Variants in UIMC1 observed in about 807,000 individuals in gnomAD.
UIMC1 encodes BRCA1-A complex subunit RAP80.
UIMC1 carries 42 observed loss-of-function variants against 84.9 expected under a neutral mutation model. That is an observed-to-expected ratio of 0.49 (90% CI 0.39 to 0.64). UIMC1 has a LOEUF of 0.64. Among genes scored for constraint, UIMC1 ranks in the 30% least tolerant of loss-of-function variants. The pLI is 0.00. For synonymous variants in UIMC1, 281 were observed against 293.0 expected, an observed-to-expected ratio of 0.96 and a Z score of 0.42; for missense variants, 825 against 847.6, an observed-to-expected ratio of 0.97 and a Z score of 0.33.
intron 1 of UIMC1, among the ~76,000 whole-genome samples, chr5:177,014,343 T>G (rs61243654): frequency 1.3e-5 from 2 of 151,986 alleles, no homozygotes; most frequent in African/African-American, 4.8e-5. Context: ...CATGAGCCAC[T>G]GTGCCCAGCT....
chr5:176,914,013 CATA>C (rs1303268897), intron 10 of UIMC1, among the ~76,000 whole-genome samples: 1 of 151,238 alleles, frequency 6.6e-6, no homozygotes, highest in East Asian at 2.0e-4. Context: ...CATAGCATAC[CATA>C]CCATACACCA....
intron 9 of UIMC1, among the ~76,000 whole-genome samples, chr5:176,947,434 G>A (rs1257376770): frequency 6.6e-6 from 1 of 152,120 alleles, no homozygotes; most frequent in Non-Finnish European, 1.5e-5. Context: ...CCATGTTGGT[G>A]TGCTGCACCC....
intron 1 of UIMC1, among the ~76,000 whole-genome samples, chr5:177,020,210 A>G (rs1304952018): frequency 6.6e-6 from 1 of 152,140 alleles, no homozygotes; most frequent in Non-Finnish European, 1.5e-5. Context: ...CCTCCAACAC[A>G]TCATGCTCTC....
At chr5:176,909,312 T>C (rs1359982694) in intron 11 of UIMC1, among the ~76,000 whole-genome samples, 2 of 152,192 alleles carry the variant, frequency 1.3e-5, no homozygotes, top group Non-Finnish European at 2.9e-5. Flanking sequence ...AAGTAGGTCC[T>C]TGAGGTAAAG....
intron 10 of UIMC1, among the ~76,000 whole-genome samples, chr5:176,931,574 C>T (rs1313070808): frequency 2.0e-5 from 3 of 152,212 alleles, no homozygotes; most frequent in Non-Finnish European, 2.9e-5. Context: ...TTCATGCAGA[C>T]GTACACTGCA....
intron 9 of UIMC1, among the ~76,000 whole-genome samples, chr5:176,946,793 C>A: frequency 6.6e-6 from 1 of 152,196 alleles, no homozygotes; most frequent in Admixed American, 6.5e-5. Context: ...CGAGATCCTA[C>A]CACTGCACTC....
chr5:176,915,354 CTTGTT>C (rs1760833764), intron 10 of UIMC1, among the ~76,000 whole-genome samples: 2 of 151,296 alleles, frequency 1.3e-5, no homozygotes, highest in African/African-American at 4.9e-5. Context: ...AAAAAGAGCT[CTTGTT>C]TTATGAGGAC....
At chr5:176,988,130 CAAAAAA>C (rs35059681) in intron 1 of UIMC1, among the ~76,000 whole-genome samples, 49 of 90,198 alleles carry the variant, frequency 5.4e-4, no homozygotes, top group African/African-American at 2.0e-3. Context: ...CGCCCCTGTC[CAAAAAA>C]AAAAAAAAAA....
At chr5:176,979,401 G>A (rs1770667075) in intron 2 of UIMC1, among the ~76,000 whole-genome samples, 1 of 152,124 alleles carries the variant, frequency 6.6e-6, no homozygotes, top group African/African-American at 2.4e-5. Flanking sequence ...GAGGTCAGGA[G>A]TTTGAGACCA....
At chr5:176,960,373 A>T (rs970502417) in intron 6 of UIMC1, among the ~76,000 whole-genome samples, 15 of 152,166 alleles carry the variant, frequency 9.9e-5, no homozygotes. Flanking sequence ...CAATGGCAGT[A>T]ATCTGAACAT....
At chr5:176,998,085 G>A (rs567799850) in intron 1 of UIMC1, among the ~76,000 whole-genome samples, 33 of 152,104 alleles carry the variant, frequency 2.2e-4, no homozygotes, top group Admixed American at 8.5e-4. Flanking sequence ...ATTTTTCATC[G>A]AGAAAGAAAT....
intron 6 of UIMC1, among the ~76,000 whole-genome samples, chr5:176,962,005 C>T (rs1767545241): frequency 1.5e-5 from 1 of 68,608 alleles, no homozygotes; most frequent in Non-Finnish European, 3.0e-5. Context: ...GGGTCAGCCC[C>T]CCTGCCCGGC....
upstream of UIMC1, among the ~76,000 whole-genome samples, chr5:177,007,340 C>CAAAA (rs56871601): frequency 3.1e-4 from 18 of 58,234 alleles, no homozygotes; most frequent in African/African-American, 6.1e-4. Flanking sequence ...GACTCCGTCT[C>CAAAA]AAAAAAAAAA....
chr5:176,920,822 G>C (rs1053397331), intron 10 of UIMC1, among the ~76,000 whole-genome samples: 1 of 152,180 alleles, frequency 6.6e-6, no homozygotes, highest in Non-Finnish European at 1.5e-5. Flanking sequence ...CACGTTGAAT[G>C]GAAGTGGCAA....
intron 1 of UIMC1, among the ~76,000 whole-genome samples, chr5:176,990,791 A>G (rs1049369162): frequency 2.0e-5 from 3 of 151,910 alleles, no homozygotes; most frequent in Admixed American, 2.0e-4. Context: ...CTCCTGCCCC[A>G]GCTTCCCAGG....
chr5:176,945,419 A>G (rs1319689822), intron 9 of UIMC1, among the ~76,000 whole-genome samples: 2 of 152,358 alleles, frequency 1.3e-5, no homozygotes, highest in South Asian at 4.1e-4. Context: ...ATGGAATTAA[A>G]GATGAAATGC....
intron 1 of UIMC1, among the ~76,000 whole-genome samples, chr5:176,997,032 GCACA>G (rs752159814): frequency 3.3e-5 from 5 of 151,352 alleles, no homozygotes; most frequent in East Asian, 1.9e-4. Flanking sequence ...GCACGCGTGC[GCACA>G]CACACACACA....
chr5:176,985,752 G>A (rs1306417673), intron 1 of UIMC1, among the ~76,000 whole-genome samples: 1 of 152,076 alleles, frequency 6.6e-6, no homozygotes, highest in African/African-American at 2.4e-5. Flanking sequence ...CCACAGGGGT[G>A]TGCCAGCACA....
intron 2 of UIMC1, chr5:176,980,426 T>C (rs1770852723): frequency 6.6e-6 from 1 of 152,136 alleles, no homozygotes; most frequent in African/African-American, 2.4e-5. Context: ...AGCAAAACAG[T>C]TTCCACAGCA....
Sources: allele counts gnomAD v4.1 joint callset (sites outside exome capture counted in the v4.1 genomes callset), GRCh38; gene constraint gnomAD v4.1.1; transcripts MANE v1.5; gene names NCBI Gene and HGNC (gene_info 2026-07-23, HGNC 2026-07-21).